Variants in TMEM266 observed in about 807,000 individuals in gnomAD.
TMEM266 encodes transmembrane protein 266, also known as Hv1 related protein 1.
A neutral mutation model predicts 50.5 loss-of-function variants in TMEM266; 33 were observed. The ratio of observed to expected loss-of-function variants is 0.65; its 90% CI spans 0.50 to 0.87. The LOEUF (loss-of-function observed/expected upper bound fraction) is 0.87, where lower values mean the gene tolerates loss of function less well. Ranked by LOEUF, TMEM266 falls within the 40% of genes least tolerant of loss-of-function variation. The pLI, the probability that TMEM266 is intolerant of heterozygous loss-of-function variation, is 0.00. For missense variants in TMEM266, 655 were observed against 695.1 expected (o/e 0.94, Z 0.65); for synonymous variants, 310 against 292.3 (o/e 1.06, Z -0.62).
intron 9 of TMEM266, among the ~76,000 whole-genome samples, chr15:76,196,552 A>T (rs538338073): frequency 1.3e-5 from 2 of 152,326 alleles, no homozygotes; most frequent in South Asian, 4.1e-4. Flanking sequence ...TCTGGAGATG[A>T]AGTAAGGGCA....
Position 76,076,288 on chromosome 15 carries a change from C to T in TMEM266, c.-97+16272C>T, listed in dbSNP as rs543498622. Among the ~76,000 whole-genome samples the T allele has an allele frequency of 1.4e-3, 212 of 152,158 alleles. 3 individuals carry two copies. The highest frequency in any genetic ancestry group is 4.9e-3 in the African/African-American group (202 of 41,438). On this transcript the variant is annotated intron_variant, in intron 1 of 10. Transcript: ENST00000388942. ...CAGTTATATAAGAAAACTTTCTCTT[C>T]TAGCTGAATGTTAAATATCTCATCT...
At chr15:76,096,436 A>G (rs2036921211) in intron 1 of TMEM266, among the ~76,000 whole-genome samples, 1 of 152,046 alleles carries the variant, frequency 6.6e-6, no homozygotes, top group Non-Finnish European at 1.5e-5. Flanking sequence ...GAGTTTCTTA[A>G]TGCTGAGTTC....
intron 1 of TMEM266, among the ~76,000 whole-genome samples, chr15:76,112,377 G>C (rs1343311648): frequency 2.0e-5 from 3 of 152,190 alleles, no homozygotes; most frequent in Non-Finnish European, 4.4e-5. Context: ...GGAAACTGTA[G>C]AGTCTGGGGA....
At chr15:76,078,803 T>C (rs2036642103) in intron 1 of TMEM266, among the ~76,000 whole-genome samples, 1 of 152,182 alleles carries the variant, frequency 6.6e-6, no homozygotes, top group Admixed American at 6.5e-5. Flanking sequence ...CTGGGTGGCT[T>C]AAAACAATGG....
chr15:76,125,083 T>C (rs2037400025), intron 1 of TMEM266, among the ~76,000 whole-genome samples: 1 of 151,868 alleles, frequency 6.6e-6, no homozygotes, highest in African/African-American at 2.4e-5. Context: ...AAATACACAA[T>C]GGGAAAAGGA....
At chr15:76,086,937 G>GT (rs1257838147) in intron 1 of TMEM266, among the ~76,000 whole-genome samples, 4 of 151,464 alleles carry the variant, frequency 2.6e-5, no homozygotes, top group Non-Finnish European at 2.9e-5. Flanking sequence ...TCGGGGGGGG[G>GT]GCGGTGGTGT....
At chr15:76,165,874 T>C (rs1424214842) in intron 5 of TMEM266, among the ~76,000 whole-genome samples, 2 of 152,240 alleles carry the variant, frequency 1.3e-5, no homozygotes, top group Non-Finnish European at 2.9e-5. Context: ...TGTGGGCCTG[T>C]GGTCTCCTGT....
At chr15:76,125,926 C>T (rs1018362038) in intron 1 of TMEM266, among the ~76,000 whole-genome samples, 2 of 150,954 alleles carry the variant, frequency 1.3e-5, no homozygotes, top group Non-Finnish European at 1.5e-5. Context: ...AGGAGACACA[C>T]GAATGGCCAA....
At chr15:76,098,156 G>A (rs991413767) in intron 1 of TMEM266, among the ~76,000 whole-genome samples, 1 of 152,086 alleles carries the variant, frequency 6.6e-6, no homozygotes, top group Non-Finnish European at 1.5e-5. Context: ...ACAAGGAGCT[G>A]TGATCCTTTG....
At chr15:76,170,762 G>C (rs1189653350) in intron 6 of TMEM266, among the ~76,000 whole-genome samples, 1 of 152,206 alleles carries the variant, frequency 6.6e-6, no homozygotes, top group Non-Finnish European at 1.5e-5. Context: ...CTAAGGGCTG[G>C]AGATGGGCTG....
chr15:76,100,150 C>G (rs2036981252), intron 1 of TMEM266, among the ~76,000 whole-genome samples: 1 of 152,094 alleles, frequency 6.6e-6, no homozygotes, highest in Non-Finnish European at 1.5e-5. Context: ...TTCTAGAGGG[C>G]AGGAGATACT....
chr15:76,106,408 G>A (rs1019005997), intron 1 of TMEM266, among the ~76,000 whole-genome samples: 18 of 151,974 alleles, frequency 1.2e-4, no homozygotes, highest in African/African-American at 4.4e-4. Context: ...CATAATGTGT[G>A]TTTTTAATTT....
intron 5 of TMEM266, among the ~76,000 whole-genome samples, chr15:76,162,270 G>C (rs1229390266): frequency 6.6e-6 from 1 of 152,230 alleles, no homozygotes; most frequent in African/African-American, 2.4e-5. Context: ...AGCGTGAATG[G>C]AGGGCCGGTG....
At chr15:76,064,154 A>T (rs1234027463) in intron 1 of TMEM266, among the ~76,000 whole-genome samples, 1 of 152,224 alleles carries the variant, frequency 6.6e-6, no homozygotes, top group African/African-American at 2.4e-5. Flanking sequence ...GGCCTGAGTC[A>T]CTAGAAAGGA....
At chr15:76,111,317 T>C (rs1011741494) in intron 1 of TMEM266, among the ~76,000 whole-genome samples, 4 of 151,490 alleles carry the variant, frequency 2.6e-5, no homozygotes, top group African/African-American at 9.7e-5. Flanking sequence ...CTGACCTCAG[T>C]GATCCGCCTT....
intron 1 of TMEM266, among the ~76,000 whole-genome samples, chr15:76,092,961 C>G (rs1449846657): frequency 6.6e-6 from 1 of 151,030 alleles, no homozygotes; most frequent in Non-Finnish European, 1.5e-5. Flanking sequence ...GCGTGCACCA[C>G]CACACCCAAC....
intron 3 of TMEM266, among the ~76,000 whole-genome samples, chr15:76,138,200 C>T (rs1485838628): frequency 3.4e-5 from 4 of 117,700 alleles, no homozygotes; most frequent in African/African-American, 6.3e-5. Flanking sequence ...CTAGCCTGGG[C>T]GACAAGAGTA....
chr15:76,138,508 C>T (rs1369421550), intron 3 of TMEM266, among the ~76,000 whole-genome samples: 1 of 152,158 alleles, frequency 6.6e-6, no homozygotes, highest in African/African-American at 2.4e-5. Context: ...AGAAGGGGAC[C>T]CACAGTGATT....
intron 1 of TMEM266, among the ~76,000 whole-genome samples, chr15:76,072,920 G>A (rs1385235436): frequency 2.0e-5 from 3 of 151,170 alleles, no homozygotes; most frequent in East Asian, 2.0e-4. Context: ...ACAGGCATAA[G>A]CCACTGCATC....
Sources: gnomAD v4.1 joint callset for allele counts (sites outside exome capture counted in the v4.1 genomes callset) on GRCh38, gnomAD v4.1.1 for gene constraint, MANE v1.5 for transcripts, NCBI Gene and HGNC (gene_info 2026-07-23, HGNC 2026-07-21) for gene names.